The following TRAPPC9 variants were observed in gnomAD, a reference collection of about 807,000 sequenced individuals.
TRAPPC9 encodes the protein IKK2 binding protein.
TRAPPC9 carries 83 observed loss-of-function variants against 124.0 expected under a neutral mutation model. That is an observed-to-expected ratio of 0.67 (90% CI 0.56 to 0.80). TRAPPC9 has a LOEUF of 0.80. Among genes scored for constraint, TRAPPC9 ranks in the 30% least tolerant of loss-of-function variants. TRAPPC9 has a pLI of 0.00. For synonymous variants in TRAPPC9, 638 were observed against 617.5 expected (o/e 1.03, Z -0.49); for missense variants, 1,302 against 1,508.3 (o/e 0.86, Z 2.27).
rs75951540 is a variant in TRAPPC9, at chr8:139,788,019, C to A, written c.3056-55817G>T. Among the ~76,000 whole-genome samples, 825 of 152,288 alleles carry A rather than the reference C, an allele frequency of 5.4e-3. 8 individuals carry two copies. Among genetic ancestry groups the A allele is most frequent in the African/African-American group, 0.019 (782 of 41,546 alleles). On this transcript the variant is annotated intron_variant, in intron 21 of 22. Coordinates refer to ENST00000438773, the MANE Select transcript of TRAPPC9 (RefSeq NM_001160372.4). The surrounding 1 kb of genome is among the most constrained non-coding windows in gnomAD (Gnocchi z 4.9). The stretch of plus-strand genomic sequence containing the variant: ...GCATCTGACCCTGTGGCGTCCTCCA[C>A]CACTGCCAACCATGGTACTACAAAG...
intron 17 of TRAPPC9, among the ~76,000 whole-genome samples, chr8:140,175,012 T>TC (rs1382488448): frequency 6.6e-6 from 1 of 151,840 alleles, no homozygotes; most frequent in Non-Finnish European, 1.5e-5. Flanking sequence ...TTTTTTTTTT[T>TC]TTTTTTACTG....
At chr8:140,138,607 G>A (rs2061339657) in intron 17 of TRAPPC9, among the ~76,000 whole-genome samples, 1 of 152,150 alleles carries the variant, frequency 6.6e-6, no homozygotes, top group African/African-American at 2.4e-5. Context: ...CAGAAGGTGA[G>A]ACCAGCTTCT....
intron 17 of TRAPPC9, among the ~76,000 whole-genome samples, chr8:140,061,881 G>A (rs546357016): frequency 1.3e-5 from 2 of 152,106 alleles, no homozygotes; most frequent in Non-Finnish European, 2.9e-5. Context: ...CCCACCATGG[G>A]CTTGGAGACC....
At chr8:139,928,434 G>T (rs897933452) in intron 19 of TRAPPC9, among the ~76,000 whole-genome samples, 3 of 152,082 alleles carry the variant, frequency 2.0e-5, no homozygotes, top group Non-Finnish European at 4.4e-5. Context: ...AGAGGTTGCA[G>T]TGAGCCAAGA....
intron 10 of TRAPPC9, 148 bp from the exon 11 acceptor site, chr8:140,300,762 G>A (rs1328260312): frequency 1.1e-6 from 1 of 940,178 alleles, no homozygotes; most frequent in Non-Finnish European, 1.7e-6. Flanking sequence ...GAGGCATCAG[G>A]ACACAGCAAG....
intron 16 of TRAPPC9, among the ~76,000 whole-genome samples, chr8:140,239,496 C>T (rs550583099): frequency 2.6e-5 from 4 of 152,302 alleles, no homozygotes; most frequent in South Asian, 4.1e-4. Flanking sequence ...AGTAAGACTC[C>T]GGCCCTGCCC....
At chr8:140,095,083 A>G (rs1396438178) in intron 17 of TRAPPC9, 1 of 152,238 alleles carries the variant, frequency 6.6e-6, no homozygotes, top group Non-Finnish European at 1.5e-5. Flanking sequence ...TCTTCTTTCC[A>G]AACTCCAAAC....
intron 3 of TRAPPC9, among the ~76,000 whole-genome samples, 174 bp from the exon 4 acceptor site, chr8:140,435,414 G>T (rs1214081072): frequency 2.6e-5 from 4 of 152,184 alleles, no homozygotes; most frequent in African/African-American, 7.2e-5. Flanking sequence ...CAAACCTAAA[G>T]ATCACTAGTT....
chr8:139,865,995 A>G (rs1828508561), intron 21 of TRAPPC9, among the ~76,000 whole-genome samples: 1 of 145,604 alleles, frequency 6.9e-6, no homozygotes, highest in South Asian at 2.2e-4. Flanking sequence ...AAAAGGCATG[A>G]CAATTCCAAA....
At chr8:140,260,138 C>T (rs543359993) in intron 15 of TRAPPC9, among the ~76,000 whole-genome samples, 1 of 152,206 alleles carries the variant, frequency 6.6e-6, no homozygotes, top group Admixed American at 6.5e-5. Flanking sequence ...CACACCTATA[C>T]ACACACATGC....
intron 2 of TRAPPC9, among the ~76,000 whole-genome samples, chr8:140,440,972 C>CTTT (rs60379205): frequency 0.043 from 3,476 of 80,066 alleles, 30 homozygotes; most frequent in Non-Finnish European, 0.056. Flanking sequence ...AACACTGTTA[C>CTTT]TTTTTTTTTT....
chr8:139,971,832 A>AAT (rs1836120661), intron 19 of TRAPPC9, among the ~76,000 whole-genome samples: 2 of 139,630 alleles, frequency 1.4e-5, no homozygotes, highest in Admixed American at 7.4e-5. Flanking sequence ...CACACACACA[A>AAT]TTTTTTTTTT....
At chr8:139,890,646 C>G (rs1830282051) in intron 20 of TRAPPC9, among the ~76,000 whole-genome samples, 1 of 152,168 alleles carries the variant, frequency 6.6e-6, no homozygotes, top group South Asian at 2.1e-4. Context: ...AGGCTTGTCT[C>G]CCTCAGGGAC....
At chr8:140,237,308 G>A (rs1032905779) in intron 16 of TRAPPC9, among the ~76,000 whole-genome samples, 3 of 151,452 alleles carry the variant, frequency 2.0e-5, no homozygotes, top group East Asian at 1.9e-4. Context: ...ACTCATCATC[G>A]CAGGGAACAG....
chr8:140,067,962 T>C (rs763556172), intron 17 of TRAPPC9, among the ~76,000 whole-genome samples: 2 of 152,158 alleles, frequency 1.3e-5, no homozygotes, highest in Non-Finnish European at 2.9e-5. Context: ...CTGCAGTGTC[T>C]GAGCAGGCAT....
chr8:139,791,350 C>T (rs1822657399), intron 21 of TRAPPC9, among the ~76,000 whole-genome samples: 2 of 150,780 alleles, frequency 1.3e-5, no homozygotes, highest in Admixed American at 1.3e-4. Context: ...CACACTCACA[C>T]AGGCGCTCAT....
In TRAPPC9 at chr8:140,252,904, G is replaced by A. The variant is rs776827935; in HGVS notation, c.2304C>T (p.Ser768=). ...TKEKLYGDFL[S]WKLEETLAQF... is the part of the protein sequence containing the mutation. ...GGGCAAGGGTTTCCTCTAGCTTCCA[G>A]CTCAAGAAGTCGCCATACAATTTTT... The change falls in exon 16 of 23, where the codon AGC becomes AGT. Residue 768 remains serine, a synonymous_variant. Transcript: ENST00000438773. The surrounding 1 kb of genome is among the most constrained non-coding windows in gnomAD (Gnocchi z 4.2). The A allele has an allele frequency of 4.3e-6, 7 of 1,614,026 alleles. No homozygotes were observed. The South Asian group carries it at 7.7e-5, about 18-fold the overall frequency.
chr8:140,292,455 A>G (rs141689939), intron 11 of TRAPPC9, among the ~76,000 whole-genome samples: 1 of 152,214 alleles, frequency 6.6e-6, no homozygotes, highest in Non-Finnish European at 1.5e-5. Context: ...TCTCTAGCAG[A>G]TAAGAACGTC....
Position 140,445,066 on chromosome 8 carries a change from C to T in TRAPPC9, c.584+5724G>A, listed in dbSNP as rs78256543. Among the ~76,000 whole-genome samples the T allele has an allele frequency of 3.1e-3, 468 of 152,246 alleles. 1 individual carries two copies. The highest frequency in any genetic ancestry group is 9.4e-3 in the African/African-American group (390 of 41,550). ...TAGTCCACCTCCTGCCCCTGAGCTCCGGACTCACATCCGATTGCCTCTTTA... is the reference window on the plus strand; with the variant it reads ...TAGTCCACCTCCTGCCCCTGAGCTCTGGACTCACATCCGATTGCCTCTTTA... On this transcript the variant is annotated intron_variant, in intron 2 of 22. Transcript: ENST00000438773.
Sources: allele counts gnomAD v4.1 joint callset (sites outside exome capture counted in the v4.1 genomes callset), GRCh38; gene constraint gnomAD v4.1.1; non-coding constraint Gnocchi (gnomAD v3.1); transcripts MANE v1.5; gene names NCBI Gene and HGNC (gene_info 2026-07-23, HGNC 2026-07-21).